CDK6: variants seen among roughly 807,000 people sequenced by gnomAD.
CDK6 encodes the protein cyclin dependent kinase 6.
In CDK6, 6 loss-of-function variants were observed where a neutral mutation model predicts 37.1. The observed-to-expected ratio is 0.16, with a 90% CI of 0.09 to 0.32. The LOEUF is 0.32. Among genes scored for constraint, CDK6 ranks in the 10% least tolerant of loss-of-function variants. The probability of loss-of-function intolerance (pLI) is 1.00; values close to 1 mark genes in which losing one functional copy is unlikely to be tolerated. For synonymous variants in CDK6, 160 were observed against 161.3 expected, an observed-to-expected ratio of 0.99 and a Z score of 0.06; for missense variants, 224 against 418.9, an observed-to-expected ratio of 0.53 and a Z score of 4.06.
At chr7:92,773,810 G>A (rs186920200) in intron 3 of CDK6, among the ~76,000 whole-genome samples, 60 of 152,288 alleles carry the variant, frequency 3.9e-4, no homozygotes, top group African/African-American at 1.4e-3. Flanking sequence ...ACATTTCTTA[G>A]TCTGTTGAGA....
chr7:92,611,133 C>T lies in CDK6; in HGVS notation c.*4007G>A. On this transcript the variant is annotated 3_prime_UTR_variant, in exon 8 of 8. Transcript: ENST00000424848. Reference sequence around the variant, plus strand: ...ACCCTTTAAATACCTTCATTTTCTCCAGAATTTCCTTTATCTATTGCCCAC... The same window carrying T: ...ACCCTTTAAATACCTTCATTTTCTCTAGAATTTCCTTTATCTATTGCCCAC... 4.4e-6 allele frequency: 1 copy of T among 227,128 alleles called. No individual in the cohort carries two copies. Among genetic ancestry groups the T allele is most frequent in the Non-Finnish European group, 8.7e-6 (1 of 114,394 alleles). 14.1% of individuals were successfully genotyped at this position (227,128 alleles called of 1,614,324 possible).
At chr7:92,807,597 T>C (rs1270896156) in intron 2 of CDK6, among the ~76,000 whole-genome samples, 1 of 151,892 alleles carries the variant, frequency 6.6e-6, no homozygotes, top group Non-Finnish European at 1.5e-5. Flanking sequence ...TTATTTTTCT[T>C]CTGGTTTCTC....
chr7:92,764,474 A>G (rs1799531868), intron 3 of CDK6, among the ~76,000 whole-genome samples: 1 of 151,758 alleles, frequency 6.6e-6, no homozygotes, highest in Non-Finnish European at 1.5e-5. Flanking sequence ...ATTCTCTTTT[A>G]CTCCCTAAAC....
intron 4 of CDK6, among the ~76,000 whole-genome samples, chr7:92,697,632 G>T (rs542823918): frequency 1.3e-5 from 2 of 152,124 alleles, no homozygotes; most frequent in Non-Finnish European, 2.9e-5. Context: ...CTCTACCACT[G>T]CAGAGAAGCC....
chr7:92,767,358 C>T (rs1254786065), intron 3 of CDK6, among the ~76,000 whole-genome samples: 3 of 152,114 alleles, frequency 2.0e-5, no homozygotes, highest in African/African-American at 7.2e-5. Context: ...ATGAAAGATA[C>T]TTGAAAGCAC....
intron 5 of CDK6, among the ~76,000 whole-genome samples, chr7:92,641,331 T>G (rs1488829105): frequency 6.6e-6 from 1 of 152,184 alleles, no homozygotes; most frequent in East Asian, 1.9e-4. Flanking sequence ...AAGCTCTCTT[T>G]TCTCCCACTT....
At chr7:92,748,431 T>G (rs1799110662) in intron 3 of CDK6, among the ~76,000 whole-genome samples, 1 of 152,224 alleles carries the variant, frequency 6.6e-6, no homozygotes, top group Non-Finnish European at 1.5e-5. Context: ...ACCCTTGGTA[T>G]AGTTCTATGA....
rs578010055 is a variant in CDK6, at chr7:92,689,024, A to G, written c.538-17489T>C. On this transcript the variant is annotated intron_variant, in intron 4 of 7. Transcript: ENST00000424848. ...TTTTCCTTGTAGTTTAGAAACTCTG[A>G]ATTAGTGTAGGAATTATTTTTTTTA... Among the ~76,000 whole-genome samples, 275 of 152,212 alleles carry G rather than the reference A, an allele frequency of 1.8e-3. 1 individual carries two copies. Among genetic ancestry groups the G allele is most frequent in the African/African-American group, 6.3e-3 (263 of 41,520 alleles).
At chr7:92,627,864 G>T (rs952125612) in intron 5 of CDK6, among the ~76,000 whole-genome samples, 3 of 151,876 alleles carry the variant, frequency 2.0e-5, no homozygotes, top group Non-Finnish European at 4.4e-5. Flanking sequence ...AAACATTACG[G>T]ATTCAGGAGG....
intron 2 of CDK6, among the ~76,000 whole-genome samples, chr7:92,792,509 T>C (rs1470479789): frequency 6.6e-6 from 1 of 152,124 alleles, no homozygotes; most frequent in Non-Finnish European, 1.5e-5. Flanking sequence ...AAAATATATA[T>C]ATTTTTTGAA....
intron 3 of CDK6, among the ~76,000 whole-genome samples, chr7:92,744,617 G>A (rs1799012091): frequency 6.6e-6 from 1 of 152,082 alleles, no homozygotes; most frequent in African/African-American, 2.4e-5. Context: ...TAAATGGGAG[G>A]ATACTATGTT....
At chr7:92,680,729 A>G (rs753557580) in intron 4 of CDK6, among the ~76,000 whole-genome samples, 4 of 152,136 alleles carry the variant, frequency 2.6e-5, no homozygotes, top group Non-Finnish European at 5.9e-5. Context: ...AGATATGTGG[A>G]TGTCCCATCA....
chr7:92,672,833 G>C, intron 4 of CDK6, among the ~76,000 whole-genome samples: 1 of 152,072 alleles, frequency 6.6e-6, no homozygotes, highest in African/African-American at 2.4e-5. Flanking sequence ...TATATTACTT[G>C]GTGTGCTAAG....
At chr7:92,742,526 GTT>G (rs1798948750) in intron 3 of CDK6, among the ~76,000 whole-genome samples, 1 of 152,030 alleles carries the variant, frequency 6.6e-6, no homozygotes, top group Non-Finnish European at 1.5e-5. Flanking sequence ...AATGTAGTTT[GTT>G]TTTATTTTGT....
chr7:92,696,739 C>A (rs1473627534), intron 4 of CDK6, among the ~76,000 whole-genome samples: 8 of 152,166 alleles, frequency 5.3e-5, no homozygotes, highest in Non-Finnish European at 2.9e-5. Flanking sequence ...ACAGTGTCAC[C>A]CCTTTATTGA....
At chr7:92,678,939 T>A (rs1016662651) in intron 4 of CDK6, among the ~76,000 whole-genome samples, 3 of 152,216 alleles carry the variant, frequency 2.0e-5, no homozygotes, top group African/African-American at 7.2e-5. Flanking sequence ...ACAAAGTCAA[T>A]GTCCATCTCA....
chr7:92,746,038 A>G (rs898658681), intron 3 of CDK6, among the ~76,000 whole-genome samples: 13 of 152,170 alleles, frequency 8.5e-5, no homozygotes, highest in Admixed American at 8.5e-4. Flanking sequence ...CCGTACCTAC[A>G]GTCCAAAAAA....
At chr7:92,759,711 A>G (rs1027903622) in intron 3 of CDK6, among the ~76,000 whole-genome samples, 36 of 151,450 alleles carry the variant, frequency 2.4e-4, no homozygotes, top group African/African-American at 8.5e-4. Context: ...AAAAAAAAAA[A>G]AAAAAGAAAA....
At chr7:92,695,192 A>G (rs1354232917) in intron 4 of CDK6, among the ~76,000 whole-genome samples, 2 of 151,916 alleles carry the variant, frequency 1.3e-5, no homozygotes, top group Non-Finnish European at 1.5e-5. Flanking sequence ...TACCAAACAA[A>G]TATGATCCTA....
Sources: allele counts gnomAD v4.1 joint callset (sites outside exome capture counted in the v4.1 genomes callset), GRCh38; gene constraint gnomAD v4.1.1; transcripts MANE v1.5; gene names NCBI Gene and HGNC (gene_info 2026-07-23, HGNC 2026-07-21).